The following MCC variants were observed in gnomAD, a reference collection of about 807,000 sequenced individuals.
MCC encodes the protein MCC regulator of Wnt signaling pathway.
Under a neutral mutation model 116.2 loss-of-function variants are expected in MCC, and 90 were observed. That is an observed-to-expected ratio of 0.77 (90% CI 0.65 to 0.92). The LOEUF (loss-of-function observed/expected upper bound fraction) is 0.92. Among genes scored for constraint, MCC ranks in the 40% least tolerant of loss-of-function variants. The pLI is 0.00. For synonymous variants in MCC, 578 were observed against 510.5 expected (o/e 1.13, Z -1.78); for missense variants, 1,516 against 1,312.2 (o/e 1.16, Z -2.40).
intron 1 of MCC, among the ~76,000 whole-genome samples, chr5:113,421,865 G>A (rs1046098890): frequency 3.3e-5 from 5 of 152,208 alleles, no homozygotes; most frequent in Non-Finnish European, 5.9e-5. Context: ...CTAGGATCCA[G>A]GGGTGATTTG....
rs1358556284 is a variant in MCC, at chr5:113,024,628, A to AAATT, written c.*2670_*2673dup. 2 of 152,222 alleles carry AAATT rather than the reference A, an allele frequency of 1.3e-5. No individual in the cohort carries two copies. Among genetic ancestry groups the AAATT allele is most frequent in the African/African-American group, 4.8e-5 (2 of 41,460 alleles). The allele number at this position is 152,222 out of a possible 1,614,324, so 9.4% of individuals were successfully genotyped here. On this transcript the variant is annotated 3_prime_UTR_variant, in exon 19 of 19. Transcript: ENST00000408903. ...AATCTGAAGGTTTTTAACCTCATAT[A>AAATT]AATTAGAATCAAGATCATTGTTTAC... is the stretch of plus-strand genomic sequence containing the variant.
At chr5:113,061,097 A>T (rs1388820943) in intron 14 of MCC, among the ~76,000 whole-genome samples, 4 of 152,196 alleles carry the variant, frequency 2.6e-5, no homozygotes, top group Admixed American at 6.5e-5. Context: ...GCATCTCTTG[A>T]GCTCTGCTGC....
chr5:113,028,152 T>C (rs1046759390), intron 18 of MCC, among the ~76,000 whole-genome samples: 2 of 152,138 alleles, frequency 1.3e-5, no homozygotes, highest in Admixed American at 6.5e-5. Context: ...CCCCAGAGAT[T>C]TGTAAAACCC....
At chr5:113,272,736 C>T (rs1234578310) in intron 3 of MCC, among the ~76,000 whole-genome samples, 1 of 152,130 alleles carries the variant, frequency 6.6e-6, no homozygotes, top group Non-Finnish European at 1.5e-5. Flanking sequence ...CAACAAAATA[C>T]AGTAATTATT....
At chr5:113,339,059 TAA>T (rs34201685) in intron 3 of MCC, among the ~76,000 whole-genome samples, 83 of 147,754 alleles carry the variant, frequency 5.6e-4, no homozygotes, top group African/African-American at 1.5e-3. Context: ...CTGTCTCTAC[TAA>T]AAAAAAAAAA....
chr5:113,396,223 G>A (rs1166860685), intron 1 of MCC, among the ~76,000 whole-genome samples: 1 of 152,168 alleles, frequency 6.6e-6, no homozygotes, highest in Non-Finnish European at 1.5e-5. Flanking sequence ...GGCTACTTGG[G>A]AGGCTGAGGT....
chr5:113,088,295 C>A (rs557777607), intron 8 of MCC, among the ~76,000 whole-genome samples: 2 of 151,836 alleles, frequency 1.3e-5, no homozygotes, highest in East Asian at 1.9e-4. Flanking sequence ...ATGCAAGAAA[C>A]TAAGGCTAAA....
chr5:113,299,898 T>G (rs1766818264), intron 3 of MCC, among the ~76,000 whole-genome samples: 1 of 152,182 alleles, frequency 6.6e-6, no homozygotes, highest in Non-Finnish European at 1.5e-5. Context: ...CCTGAGGCCT[T>G]GTCTTCTCTA....
Position 113,348,285 on chromosome 5 carries a change from C to A in MCC, c.416-7555G>T, listed in dbSNP as rs144104930. On this transcript the variant is annotated intron_variant, in intron 2 of 18. Transcript: ENST00000408903. The stretch of plus-strand genomic sequence containing the variant: ...ACATTCTTCTCCTCAGCACACAGAT[C>A]ATTCTCAAGGATAGAATATATTTTA... Among the ~76,000 whole-genome samples, 15 of 152,170 alleles carry A rather than the reference C, an allele frequency of 9.9e-5. No individual in the cohort carries two copies. In the East Asian group the frequency reaches 2.9e-3, roughly 29 times the overall value.
At chr5:113,291,750 G>A (rs1048089781) in intron 3 of MCC, among the ~76,000 whole-genome samples, 4 of 152,084 alleles carry the variant, frequency 2.6e-5, no homozygotes, top group East Asian at 1.9e-4. Context: ...GATATTAAGC[G>A]AAAACTAGTG....
intron 3 of MCC, among the ~76,000 whole-genome samples, chr5:113,197,286 T>C (rs1232753433): frequency 6.6e-6 from 1 of 151,968 alleles, no homozygotes; most frequent in Non-Finnish European, 1.5e-5. Context: ...TAAGCCCAAA[T>C]AGGCAAACAA....
intron 3 of MCC, among the ~76,000 whole-genome samples, chr5:113,221,614 G>A (rs1170111899): frequency 1.3e-5 from 2 of 152,198 alleles, no homozygotes; most frequent in African/African-American, 4.8e-5. Context: ...CCTAAGATCA[G>A]TGGTTGAGAT....
chr5:113,030,118 GT>G (rs763351333), intron 17 of MCC, among the ~76,000 whole-genome samples: 8 of 152,212 alleles, frequency 5.3e-5, no homozygotes, highest in Non-Finnish European at 8.8e-5. Flanking sequence ...TATGTAGAAT[GT>G]AAATTTGCAT....
At chr5:113,481,984 T>C (rs1300139709) in intron 1 of MCC, among the ~76,000 whole-genome samples, 1 of 152,234 alleles carries the variant, frequency 6.6e-6, no homozygotes, top group Non-Finnish European at 1.5e-5. Flanking sequence ...TCTATCTCTA[T>C]AGACATTTCA....
chr5:113,255,837 A>C (rs969076018), intron 3 of MCC, among the ~76,000 whole-genome samples: 1 of 152,236 alleles, frequency 6.6e-6, no homozygotes, highest in Non-Finnish European at 1.5e-5. Flanking sequence ...TTACAAATGC[A>C]TAAAATGCTG....
chr5:113,379,922 T>A (rs2150391800), intron 2 of MCC, among the ~76,000 whole-genome samples: 1 of 152,366 alleles, frequency 6.6e-6, no homozygotes, highest in African/African-American at 2.4e-5. Context: ...CCGAGATGTC[T>A]TGCCATAAAG....
chr5:113,308,888 G>T (rs1460220112), intron 3 of MCC, among the ~76,000 whole-genome samples: 1 of 151,032 alleles, frequency 6.6e-6, no homozygotes, highest in Non-Finnish European at 1.5e-5. Flanking sequence ...AGGAAGGAAG[G>T]AAGGAAAAGA....
At chr5:113,356,340 T>C (rs1469184460) in intron 2 of MCC, among the ~76,000 whole-genome samples, 1 of 149,430 alleles carries the variant, frequency 6.7e-6, no homozygotes, top group East Asian at 1.9e-4. Flanking sequence ...TGCATTTATA[T>C]ATAATATGCC....
chr5:113,321,916 C>G (rs1173922546), intron 3 of MCC, among the ~76,000 whole-genome samples: 1 of 152,178 alleles, frequency 6.6e-6, no homozygotes, highest in Non-Finnish European at 1.5e-5. Context: ...ACTGCAACCT[C>G]CACCTCCCGG....
Sources: allele counts gnomAD v4.1 joint callset (sites outside exome capture counted in the v4.1 genomes callset), GRCh38; gene constraint gnomAD v4.1.1; transcripts MANE v1.5; gene names NCBI Gene and HGNC (gene_info 2026-07-23, HGNC 2026-07-21).